HERC1: variants seen among roughly 807,000 people sequenced by gnomAD.
HERC1 encodes the protein probable E3 ubiquitin-protein ligase HERC1.
Under a neutral mutation model 554.3 loss-of-function variants are expected in HERC1, and 160 were observed. The observed-to-expected ratio is 0.29, with a 90% CI of 0.25 to 0.33. HERC1 has a LOEUF of 0.33. Ranked by LOEUF, HERC1 falls within the 10% of genes least tolerant of loss-of-function variation. The pLI, the probability that HERC1 is intolerant of heterozygous loss-of-function variation, is 1.00. For synonymous variants in HERC1, 2,175 were observed against 2,131.7 expected, an observed-to-expected ratio of 1.02 and a Z score of -0.56; for missense variants, 4,919 against 5,918.5, an observed-to-expected ratio of 0.83 and a Z score of 5.54.
chr15:63,616,014 A>C, intron 75 of HERC1, 94 bp from the exon 76 acceptor site: 238 of 1,062,612 alleles, frequency 2.2e-4, no homozygotes, highest in Non-Finnish European at 2.7e-4. Flanking sequence ...TAACAAACTC[A>C]CAATTTTTAA....
In HERC1 at chr15:63,626,039, G is replaced by A. The variant is rs1304694242; in HGVS notation, c.13221C>T (p.Phe4407=). 1.9e-6 allele frequency: 3 copies of A among 1,612,704 alleles called. No individual in the cohort carries two copies. The highest frequency in any genetic ancestry group is 2.5e-6 in the Non-Finnish European group (3 of 1,179,418). The change falls in exon 71 of 78, where the codon TTC becomes TTT. Residue 4407 remains phenylalanine (F), a synonymous_variant. Coordinates refer to ENST00000443617, the MANE Select transcript of HERC1 (RefSeq NM_003922.4). The part of the protein sequence containing the change: ...VRARLRLLYH[F]SDLMYSSWRL... ...TCCAGGATGAGTACATGAGGTCAGA[G>A]AAGTGGTAGAGCAGCCGGAGCCTGG...
At position 63,660,974 on chromosome 15, in the gene HERC1, T is replaced by G; in HGVS notation, c.9222A>C (p.Glu3074Asp). 1 of 1,601,388 alleles carries G rather than the reference T, an allele frequency of 6.2e-7. No homozygotes were observed. The highest frequency in any genetic ancestry group is 8.6e-7 in the Non-Finnish European group (1 of 1,168,402). Reference sequence around the variant, plus strand: ...AAAGAAGCTCTCAAAACAAACTACCTTCATACACACTGTCTTGCTTGCCAA... The same window carrying G: ...AAAGAAGCTCTCAAAACAAACTACCGTCATACACACTGTCTTGCTTGCCAA... ...DLIGKQDSVY[E>D]EDWDMLDVDE... The change falls in exon 46 of 78, where the codon GAA becomes GAC. Residue 3074 changes from glutamate to aspartate, a missense_variant and splice_region_variant. Physicochemically the swap from Glu to Asp is conservative, Grantham distance 45 (BLOSUM62 2). Coordinates refer to ENST00000443617, the MANE Select transcript of HERC1 (RefSeq NM_003922.4).
intron 8 of HERC1, 174 bp downstream of exon 8, chr15:63,752,783 GA>G (rs948522593): frequency 1.8e-6 from 1 of 556,450 alleles, no homozygotes; most frequent in African/African-American, 1.9e-5. Context: ...TGCCAGGTTA[GA>G]AAACCTGGTT....
At chr15:63,639,942 T>C (rs966320548) in intron 61 of HERC1, among the ~76,000 whole-genome samples, 6 of 151,912 alleles carry the variant, frequency 3.9e-5, no homozygotes, top group African/African-American at 1.5e-4. Flanking sequence ...TTTACAAGAG[T>C]TCAACAGTGC....
At chr15:63,819,897 TTC>T (rs1254543813) in intron 1 of HERC1, among the ~76,000 whole-genome samples, 1 of 152,206 alleles carries the variant, frequency 6.6e-6, no homozygotes, top group Non-Finnish European at 1.5e-5. Flanking sequence ...CTCTCTGTGC[TTC>T]AAATTCCTTA....
chr15:63,770,390 T>C (rs1419471432), intron 2 of HERC1, among the ~76,000 whole-genome samples: 1 of 152,216 alleles, frequency 6.6e-6, no homozygotes, highest in Non-Finnish European at 1.5e-5. Context: ...GAAATGTCTG[T>C]GCATCCCTCT....
At chr15:63,833,794 A>ACACACACACACACACACACACACACAC (rs1567176642) in intron 1 of HERC1, 33 bp downstream of exon 1, 7 of 137,456 alleles carry the variant, frequency 5.1e-5, no homozygotes, top group African/African-American at 2.2e-4. Flanking sequence ...CACACACAGG[A>ACACACACACACACACACACACACACAC]CCAGGAGGAC....
intron 24 of HERC1, 121 bp downstream of exon 24, chr15:63,712,654 G>T: frequency 1.3e-6 from 1 of 768,260 alleles, no homozygotes; most frequent in Non-Finnish European, 2.0e-6. Flanking sequence ...TTCTCTTAAA[G>T]TTATTTTTGA....
Position 63,758,420 on chromosome 15 carries a change from G to T in HERC1, c.1027-51C>A. On this transcript the variant is annotated intron_variant, in intron 3 of 77. Transcript: ENST00000443617. This position sits in a 1 kb window ranked among gnomAD's most constrained non-coding sequence, Gnocchi z 4.0. Reference sequence around the variant, plus strand: ...AAATAGTCAAGACAGTTTTAGTCTGGGCATTTTTTATACATATCCTCTGAA... The same window carrying T: ...AAATAGTCAAGACAGTTTTAGTCTGTGCATTTTTTATACATATCCTCTGAA... 7.3e-7 allele frequency: 1 copy of T among 1,364,514 alleles called. No individual in the cohort carries two copies. The allele number at this position is 1,364,514 out of a possible 1,614,324, so 84.5% of individuals were successfully genotyped here.
chr15:63,616,819 AT>A, intron 74 of HERC1, 137 bp from the exon 75 acceptor site: 1 of 763,006 alleles, frequency 1.3e-6, no homozygotes, highest in Non-Finnish European at 2.1e-6. Context: ...GGCTAAAGTA[AT>A]TAAATAAAAC....
intron 3 of HERC1, among the ~76,000 whole-genome samples, chr15:63,761,758 T>C (rs960646496): frequency 6.6e-6 from 1 of 152,240 alleles, no homozygotes; most frequent in African/African-American, 2.4e-5. Context: ...TCTATGTGTG[T>C]AACATGTAAT....
chr15:63,649,181 T>C (rs951125687), intron 54 of HERC1, among the ~76,000 whole-genome samples: 37 of 152,220 alleles, frequency 2.4e-4, no homozygotes, highest in East Asian at 1.2e-3. Context: ...GGTGAAACCC[T>C]GTCTCTACTA....
Position 63,609,034 on chromosome 15 carries a change from G to T in HERC1, c.*47C>A. The T allele has an allele frequency of 6.5e-7, 1 of 1,535,970 alleles. No individual in the cohort carries two copies. The highest frequency in any genetic ancestry group is 8.9e-7 in the Non-Finnish European group (1 of 1,122,702). ...AAAGTATATCAACATCAAATCAGAAGTGAGCATTATTGAGGGAGAGAAGGG... is the reference window on the plus strand; with the variant it reads ...AAAGTATATCAACATCAAATCAGAATTGAGCATTATTGAGGGAGAGAAGGG... On this transcript the variant is annotated 3_prime_UTR_variant, in exon 78 of 78. Coordinates refer to ENST00000443617, the MANE Select transcript of HERC1 (RefSeq NM_003922.4).
chr15:63,806,299 CAT>C (rs1167457527), intron 1 of HERC1, among the ~76,000 whole-genome samples: 1 of 151,978 alleles, frequency 6.6e-6, no homozygotes, highest in Admixed American at 6.6e-5. Flanking sequence ...ACCTCACCTA[CAT>C]AATCTTTACC....
chr15:63,832,106 C>T (rs1230745737), intron 1 of HERC1, among the ~76,000 whole-genome samples: 2 of 152,188 alleles, frequency 1.3e-5, no homozygotes, highest in Non-Finnish European at 2.9e-5. Flanking sequence ...CTCCAGATTT[C>T]CAACCTCCCT....
intron 8 of HERC1, 54 bp downstream of exon 8, chr15:63,752,904 T>A (rs1222477620): frequency 6.7e-7 from 1 of 1,484,014 alleles, no homozygotes; most frequent in African/African-American, 1.4e-5. Flanking sequence ...TACTTTTTAG[T>A]CACCTAATCC....
In HERC1 at chr15:63,612,100, A is replaced by G; in HGVS notation, c.14400+151T>C. The G allele has an allele frequency of 1.5e-6, 1 of 678,056 alleles. No homozygotes were observed. Among genetic ancestry groups the G allele is most frequent in the Non-Finnish European group, 2.4e-6 (1 of 410,360 alleles). 42.0% of individuals were successfully genotyped at this position (678,056 alleles called of 1,614,324 possible). ...CTACTGCGGAGGCTGAGGCAGGAGA[A>G]CTGCTTGAAGCTAGGAAGCGGAGGT... On this transcript the variant is annotated intron_variant, in intron 77 of 77. Transcript: ENST00000443617. The surrounding 1 kb of genome is among the most constrained non-coding windows in gnomAD (Gnocchi z 5.0).
chr15:63,732,972 C>G lies in HERC1; in HGVS notation c.2820G>C (p.Leu940=), dbSNP rs1567064295. The G allele has an allele frequency of 2.5e-6, 4 of 1,613,836 alleles. No homozygotes were observed. Among genetic ancestry groups the G allele is most frequent in the Non-Finnish European group, 3.4e-6 (4 of 1,179,832 alleles). ...AGAGGGTCTTCATCAAAATTTCAGC[C>G]AGGTGGGTATCTGGATGGCAGCTCT... ...GTQSCHPDTH[L]AEILMKTLLR... Residue 940 remains leucine (L), a synonymous_variant, in exon 14 of 78, where the codon CTG becomes CTC. Coordinates refer to ENST00000443617, the MANE Select transcript of HERC1 (RefSeq NM_003922.4).
At chr15:63,712,628 T>C (rs931616530) in intron 24 of HERC1, 147 bp downstream of exon 24, 7 of 590,162 alleles carry the variant, frequency 1.2e-5, no homozygotes, top group East Asian at 5.9e-5. Context: ...GGTAAACATA[T>C]ATGCAATATA....
Sources: gnomAD v4.1 joint callset for allele counts (sites outside exome capture counted in the v4.1 genomes callset) on GRCh38, gnomAD v4.1.1 for gene constraint, Gnocchi (gnomAD v3.1) non-coding constraint, MANE v1.5 for transcripts, NCBI Gene and HGNC (gene_info 2026-07-23, HGNC 2026-07-21) for gene names.